Variants in LINGO2 observed in about 807,000 individuals in gnomAD.
The protein encoded by LINGO2 is leucine-rich repeat and immunoglobulin-like domain-containing nogo receptor-interacting protein 2.
Under a neutral mutation model 30.6 loss-of-function variants are expected in LINGO2, and 14 were observed. The observed-to-expected ratio is 0.46, with a 90% CI of 0.30 to 0.72. LINGO2 has a LOEUF of 0.72. Ranked by LOEUF, LINGO2 falls within the 30% of genes least tolerant of loss-of-function variation. LINGO2 has a pLI of 0.07. For synonymous variants in LINGO2, 317 were observed against 288.5 expected (o/e 1.10, Z -1.00); for missense variants, 729 against 751.7 (o/e 0.97, Z 0.35).
At chr9:28,337,551 C>A (rs1237847012) in intron 3 of LINGO2, among the ~76,000 whole-genome samples, 1 of 152,154 alleles carries the variant, frequency 6.6e-6, no homozygotes, top group Admixed American at 6.5e-5. Flanking sequence ...TGCACAGCAG[C>A]CTCTCCCATA....
At chr9:28,228,409 A>G (rs979945013) in intron 4 of LINGO2, among the ~76,000 whole-genome samples, 1 of 152,022 alleles carries the variant, frequency 6.6e-6, no homozygotes, top group Non-Finnish European at 1.5e-5. Flanking sequence ...CATTTGGCAT[A>G]CAGCAAGACC....
At chr9:28,349,145 T>C (rs889367461) in intron 3 of LINGO2, among the ~76,000 whole-genome samples, 2 of 152,200 alleles carry the variant, frequency 1.3e-5, no homozygotes, top group African/African-American at 4.8e-5. Flanking sequence ...CAAAGCTGGA[T>C]GGAAAATGAC....
At chr9:28,266,896 C>T (rs185394802) in intron 4 of LINGO2, among the ~76,000 whole-genome samples, 10 of 152,114 alleles carry the variant, frequency 6.6e-5, no homozygotes, top group Non-Finnish European at 1.3e-4. Flanking sequence ...CATCACAGGA[C>T]AATCGTGGAC....
chr9:29,098,559 G>A, the LINGO2 span, among the ~76,000 whole-genome samples: 24 of 152,062 alleles, frequency 1.6e-4, no homozygotes, highest in African/African-American at 4.8e-4. Flanking sequence ...AACAGTATGT[G>A]GAAGTCCCTG....
At chr9:29,044,637 G>C in the LINGO2 span, among the ~76,000 whole-genome samples, 3 of 151,970 alleles carry the variant, frequency 2.0e-5, no homozygotes, top group Admixed American at 6.6e-5. Flanking sequence ...ATTTGAATGA[G>C]GTTAGTCTTT....
At chr9:28,056,679 T>C (rs1323383307) in intron 4 of LINGO2, among the ~76,000 whole-genome samples, 1 of 152,162 alleles carries the variant, frequency 6.6e-6, no homozygotes, top group African/African-American at 2.4e-5. Flanking sequence ...TGTCACCAGC[T>C]GTTCTGCAGA....
At chr9:28,658,468 T>C (rs1164813857) in intron 1 of LINGO2, among the ~76,000 whole-genome samples, 1 of 152,088 alleles carries the variant, frequency 6.6e-6, no homozygotes, top group Non-Finnish European at 1.5e-5. Flanking sequence ...CTTGGTGATC[T>C]GACTCTTTTA....
At chr9:27,997,333 A>C (rs2119097627) in intron 5 of LINGO2, among the ~76,000 whole-genome samples, 1 of 152,316 alleles carries the variant, frequency 6.6e-6, no homozygotes, top group South Asian at 2.1e-4. Flanking sequence ...TTCAGCTGAA[A>C]TATAATGCCA....
chr9:28,359,451 A>G (rs979660984), intron 3 of LINGO2, among the ~76,000 whole-genome samples: 1 of 152,156 alleles, frequency 6.6e-6, no homozygotes, highest in African/African-American at 2.4e-5. Context: ...CTGTCCCCAC[A>G]CACACCACAC....
intron 1 of LINGO2, among the ~76,000 whole-genome samples, chr9:28,610,471 GTGA>G (rs770583339): frequency 6.6e-4 from 101 of 152,260 alleles, no homozygotes; most frequent in Non-Finnish European, 1.1e-3. Flanking sequence ...TGTTTGGGAG[GTGA>G]TGAAGTCACG....
the LINGO2 span, among the ~76,000 whole-genome samples, chr9:28,969,018 A>C: frequency 1.3e-5 from 2 of 152,204 alleles, no homozygotes; most frequent in Non-Finnish European, 2.9e-5. Context: ...GCCTTCATTC[A>C]ATCAATAGTT....
In LINGO2 at chr9:28,488,312, A is replaced by G. The variant is rs1237610367; in HGVS notation, c.-364-12287T>C. Among the ~76,000 whole-genome samples, 3 of 152,224 alleles carry G rather than the reference A, an allele frequency of 2.0e-5. No individual in the cohort carries two copies. In the East Asian group the frequency reaches 5.8e-4, roughly 29 times the overall value. The stretch of plus-strand genomic sequence containing the variant: ...AGAGATGTAATGATATCCCACATAA[A>G]CAGGGAAACTTACTGAATACTGTAG... On this transcript the variant is annotated intron_variant, in intron 1 of 5. Coordinates refer to ENST00000379992, the Ensembl canonical transcript of LINGO2.
intron 4 of LINGO2, among the ~76,000 whole-genome samples, chr9:28,033,324 G>T (rs905789325): frequency 6.6e-6 from 1 of 152,112 alleles, no homozygotes; most frequent in Non-Finnish European, 1.5e-5. Context: ...GCAAGAGTCA[G>T]TACCCTCCGA....
At chr9:28,016,890 A>G (rs1049252130) in intron 4 of LINGO2, among the ~76,000 whole-genome samples, 4 of 150,558 alleles carry the variant, frequency 2.7e-5, no homozygotes, top group Non-Finnish European at 5.9e-5. Flanking sequence ...CAACAACAAA[A>G]CAACAACTTC....
intron 4 of LINGO2, among the ~76,000 whole-genome samples, chr9:28,057,089 T>C (rs1007788318): frequency 3.9e-5 from 6 of 152,080 alleles, no homozygotes; most frequent in African/African-American, 1.4e-4. Flanking sequence ...AATTTTGAAG[T>C]AGTGGCTGTT....
chr9:28,098,123 G>A (rs1826301293), intron 4 of LINGO2, among the ~76,000 whole-genome samples: 1 of 152,202 alleles, frequency 6.6e-6, no homozygotes, highest in African/African-American at 2.4e-5. Flanking sequence ...TGACCAACAT[G>A]GTGAAACTCC....
At chr9:28,967,686 A>G in the LINGO2 span, among the ~76,000 whole-genome samples, 8 of 152,162 alleles carry the variant, frequency 5.3e-5, no homozygotes, top group Admixed American at 2.6e-4. Context: ...TATCTAAGGG[A>G]AAAATGTTAT....
chr9:29,095,927 A>G, the LINGO2 span, among the ~76,000 whole-genome samples: 1 of 138,516 alleles, frequency 7.2e-6, no homozygotes, highest in African/African-American at 2.7e-5. Flanking sequence ...TTGGAGTGAT[A>G]CCAAGGAATG....
the LINGO2 span, among the ~76,000 whole-genome samples, chr9:29,204,711 T>C: frequency 8.5e-5 from 13 of 152,304 alleles, no homozygotes; most frequent in Admixed American, 5.2e-4. Flanking sequence ...TATTTTCCTA[T>C]TGGACATTTG....
Sources: allele counts gnomAD v4.1 joint callset (sites outside exome capture counted in the v4.1 genomes callset), GRCh38; gene constraint gnomAD v4.1.1; transcripts MANE v1.5; gene names NCBI Gene and HGNC (gene_info 2026-07-23, HGNC 2026-07-21).